ACSBG1: variants seen among roughly 807,000 people sequenced by gnomAD.
ACSBG1 encodes the protein acyl-CoA synthetase bubblegum family member 1.
A neutral mutation model predicts 80.2 loss-of-function variants in ACSBG1; 39 were observed. That is an observed-to-expected ratio of 0.49 (90% CI 0.38 to 0.64). The LOEUF (loss-of-function observed/expected upper bound fraction) is 0.64. Ranked by LOEUF, ACSBG1 falls within the 30% of genes least tolerant of loss-of-function variation. The pLI is 0.00. For synonymous variants in ACSBG1, 392 were observed against 379.5 expected (o/e 1.03, Z -0.38); for missense variants, 828 against 966.4 (o/e 0.86, Z 1.90).
intron 1 of ACSBG1, among the ~76,000 whole-genome samples, chr15:78,225,432 T>TAAATAAATAAAA (rs1555434744): frequency 2.7e-4 from 40 of 145,610 alleles, no homozygotes; most frequent in Admixed American, 1.7e-3. Context: ...AATAAATAAA[T>TAAATAAATAAAA]AAAAATAAAT....
intron 2 of ACSBG1, among the ~76,000 whole-genome samples, chr15:78,199,853 C>A (rs1336194460): frequency 6.6e-6 from 1 of 152,072 alleles, no homozygotes; most frequent in East Asian, 1.9e-4. Context: ...GCCAAATCAT[C>A]CATCTTTAAC....
At chr15:78,218,447 G>GAGGCAGCTCTGAATGTGGC (rs1288133444) in intron 1 of ACSBG1, among the ~76,000 whole-genome samples, 2 of 152,200 alleles carry the variant, frequency 1.3e-5, no homozygotes. Flanking sequence ...GTACACGTGA[G>GAGGCAGCTCTGAATGTGGC]AGGCAGCTCT....
Position 78,178,040 on chromosome 15 carries a change from G to C in ACSBG1, c.1702+574C>G, listed in dbSNP as rs936729099. On this transcript the variant is annotated intron_variant, in intron 11 of 13. Coordinates refer to ENST00000258873, the MANE Select transcript of ACSBG1 (RefSeq NM_015162.5). This position sits in a 1 kb window ranked among gnomAD's most constrained non-coding sequence, Gnocchi z 4.3. Reference sequence around the variant, plus strand: ...GAAAGACTTGCCTTGTTTCTCTAGGGGTCTGATTTCCAGCTCTGCCATTTA... The same window carrying C: ...GAAAGACTTGCCTTGTTTCTCTAGGCGTCTGATTTCCAGCTCTGCCATTTA... Among the ~76,000 whole-genome samples the C allele has an allele frequency of 2.0e-5, 3 of 152,082 alleles. No individual in the cohort carries two copies. Among genetic ancestry groups the C allele is most frequent in the African/African-American group, 7.2e-5 (3 of 41,400 alleles).
chr15:78,215,439 C>T (rs552976226), intron 1 of ACSBG1, among the ~76,000 whole-genome samples: 8 of 152,162 alleles, frequency 5.3e-5, no homozygotes, highest in African/African-American at 1.9e-4. Context: ...GGTGGATCAC[C>T]TGAGGTCAAG....
Position 78,168,730 on chromosome 15 carries a change from A to G in ACSBG1, c.*2714T>C, listed in dbSNP as rs2074781328. ...TTTGCAGAGTGCTGTTGTATACACT[A>G]TGAGATTGGATCCCGATCCTCCTGG... On this transcript the variant is annotated 3_prime_UTR_variant, in exon 14 of 14. Coordinates refer to ENST00000258873, the MANE Select transcript of ACSBG1 (RefSeq NM_015162.5). The G allele has an allele frequency of 1.9e-6, 1 of 534,916 alleles. No individual in the cohort carries two copies. The highest frequency in any genetic ancestry group is 3.4e-6 in the Non-Finnish European group (1 of 293,024). The allele number at this position is 534,916 out of a possible 1,614,324, so 33.1% of individuals were successfully genotyped here.
At position 78,178,687 on chromosome 15, in the gene ACSBG1, T is replaced by C. The variant is rs2074908311; in HGVS notation, c.1629A>G (p.Glu543=). The part of the protein sequence containing the change: ...EDKTCEAIDE[E]GWLHTGDAGR... ...CAGCATCACCCGTGTGCAGCCAGCC[T>C]TCCTCGTCGATGGCCTCACAAGTCT... The change falls in exon 11 of 14, where the codon GAA becomes GAG. Residue 543 remains glutamate (E), a synonymous_variant. Coordinates refer to ENST00000258873, the MANE Select transcript of ACSBG1 (RefSeq NM_015162.5). This position sits in a 1 kb window ranked among gnomAD's most constrained non-coding sequence, Gnocchi z 4.3. 1 of 1,613,926 alleles carries C rather than the reference T, an allele frequency of 6.2e-7. No homozygotes were observed. Among genetic ancestry groups the C allele is most frequent in the African/African-American group, 1.3e-5 (1 of 74,940 alleles).
intron 2 of ACSBG1, 61 bp downstream of exon 2, chr15:78,207,941 G>T: frequency 2.2e-6 from 1 of 452,136 alleles, no homozygotes. Flanking sequence ...CACCCCTCCA[G>T]CACACCCAGC....
chr15:78,198,996 A>C (rs2075141594), intron 2 of ACSBG1, among the ~76,000 whole-genome samples: 2 of 152,202 alleles, frequency 1.3e-5, no homozygotes, highest in Admixed American at 1.3e-4. Context: ...TCCAGGAAGA[A>C]ATGAGCTCCC....
At chr15:78,228,596 C>T (rs1239036169) in intron 1 of ACSBG1, among the ~76,000 whole-genome samples, 5 of 152,166 alleles carry the variant, frequency 3.3e-5, no homozygotes, top group Admixed American at 6.5e-5. Flanking sequence ...GACTTGCATT[C>T]GGAAGTTATC....
At chr15:78,179,842 C>T (rs1156863393) in intron 9 of ACSBG1, 62 bp from the exon 10 acceptor site, 7 of 934,104 alleles carry the variant, frequency 7.5e-6, no homozygotes, top group Non-Finnish European at 9.3e-6. Flanking sequence ...CACACACACA[C>T]ATACACACAT....
chr15:78,175,749 G>A (rs1247158609), intron 11 of ACSBG1, among the ~76,000 whole-genome samples: 1 of 152,174 alleles, frequency 6.6e-6, no homozygotes, highest in East Asian at 1.9e-4. Flanking sequence ...TCAGGGACAG[G>A]CTGGCTAGAG....
intron 5 of ACSBG1, among the ~76,000 whole-genome samples, chr15:78,186,951 A>T (rs1464255869): frequency 6.6e-6 from 1 of 152,196 alleles, no homozygotes; most frequent in Non-Finnish European, 1.5e-5. Context: ...AAGAAAAGAG[A>T]GAAGAATCAA....
At chr15:78,215,724 G>GAGAAAGAAAGAAAGAGAAAGAAAGAA (rs2075302565) in intron 1 of ACSBG1, among the ~76,000 whole-genome samples, 1 of 116,554 alleles carries the variant, frequency 8.6e-6, no homozygotes, top group South Asian at 3.0e-4. Flanking sequence ...AAGAAAGAAA[G>GAGAAAGAAAGAAAGAGAAAGAAAGAA]AGAAAGAAAG....
chr15:78,224,896 G>A (rs2075387760), intron 1 of ACSBG1, among the ~76,000 whole-genome samples: 1 of 151,948 alleles, frequency 6.6e-6, no homozygotes, highest in Non-Finnish European at 1.5e-5. Flanking sequence ...ATGCAATAAG[G>A]CAAGAATTAA....
intron 1 of ACSBG1, 66 bp downstream of exon 1, chr15:78,234,305 A>G: frequency 6.4e-7 from 1 of 1,569,302 alleles, no homozygotes; most frequent in Non-Finnish European, 8.6e-7. Context: ...CCAAGTTCAC[A>G]CAGCAGAGCA....
At chr15:78,182,341 C>A in intron 7 of ACSBG1, 125 bp downstream of exon 7, 1 of 1,402,734 alleles carries the variant, frequency 7.1e-7, no homozygotes, top group Non-Finnish European at 9.6e-7. Context: ...GCTGTTCTAC[C>A]TATCCCAGCT....
chr15:78,233,665 A>G (rs1340709872), intron 1 of ACSBG1, among the ~76,000 whole-genome samples: 1 of 152,158 alleles, frequency 6.6e-6, no homozygotes, highest in East Asian at 1.9e-4. Flanking sequence ...CACAAATCAC[A>G]GATGTTGGGG....
At chr15:78,190,042 A>G (rs1295222833) in intron 5 of ACSBG1, among the ~76,000 whole-genome samples, 2 of 152,188 alleles carry the variant, frequency 1.3e-5, no homozygotes, top group Admixed American at 1.3e-4. Context: ...AAAGGAAGAC[A>G]GAGTATCAGA....
chr15:78,225,503 T>G (rs2075393475), intron 1 of ACSBG1, among the ~76,000 whole-genome samples: 1 of 151,872 alleles, frequency 6.6e-6, no homozygotes, highest in Non-Finnish European at 1.5e-5. Context: ...CTAGAAATGT[T>G]TAAGAAAAAA....
Sources: allele counts gnomAD v4.1 joint callset (sites outside exome capture counted in the v4.1 genomes callset), GRCh38; gene constraint gnomAD v4.1.1; non-coding constraint Gnocchi (gnomAD v3.1); transcripts MANE v1.5; gene names NCBI Gene and HGNC (gene_info 2026-07-23, HGNC 2026-07-21).